Variants in KCNQ1OT1 observed in about 807,000 individuals in gnomAD.
KCNQ1OT1 encodes the protein KCNQ1 opposite strand/antisense transcript 1.
chr11:2,673,911 G>A lies in KCNQ1OT1; in HGVS notation n.26084C>T, dbSNP rs1186241802. The A allele has an allele frequency of 2.5e-6, 1 of 397,956 alleles. No homozygotes were observed. The highest frequency in any genetic ancestry group is 1.3e-4 in the South Asian group (1 of 7,806). The allele number at this position is 397,956 out of a possible 1,614,324, so 24.7% of individuals were successfully genotyped here. A position where few individuals can be genotyped will look rare whatever the true frequency, so the allele number is the denominator to read the frequency against. On this transcript the variant is annotated non_coding_transcript_exon_variant, in exon 1 of 1. Transcript: ENST00000597346. The surrounding 1 kb of genome is among the most constrained non-coding windows in gnomAD (Gnocchi z 4.5). ...GAAGGGATGGGAGCTCAGCTCACCG[G>A]GTGCTAGACAAGGGAGTGTGTCTCT...
In KCNQ1OT1 at chr11:2,651,031, A is replaced by G. The variant is rs968028243; in HGVS notation, n.48964T>C. 7 of 398,674 alleles carry G rather than the reference A, an allele frequency of 1.8e-5. No homozygotes were observed. Among genetic ancestry groups the G allele is most frequent in the Non-Finnish European group, 1.3e-5 (3 of 226,184 alleles). The allele number at this position is 398,674 out of a possible 1,614,324, so 24.7% of individuals were successfully genotyped here. ...AGTCTCTCCAGCTATCTCCCTGGTT[A>G]AAACCACCACCATTTCTCTGCCTAC... On this transcript the variant is annotated non_coding_transcript_exon_variant, in exon 1 of 1. Transcript: ENST00000597346. The surrounding 1 kb of genome is among the most constrained non-coding windows in gnomAD (Gnocchi z 6.1).
rs1849946835 is a variant in KCNQ1OT1 at position 2,661,011 on chromosome 11, T to C, written n.38984A>G. On this transcript the variant is annotated non_coding_transcript_exon_variant, in exon 1 of 1. Coordinates refer to ENST00000597346, the Ensembl canonical transcript of KCNQ1OT1. The surrounding 1 kb of genome is among the most constrained non-coding windows in gnomAD (Gnocchi z 5.9). ...TGACTAAAATAATTAAATCCATGCCTATATACCTAGAGAAAAATGAAATGA... is the reference window on the plus strand; with the variant it reads ...TGACTAAAATAATTAAATCCATGCCCATATACCTAGAGAAAAATGAAATGA... The C allele has an allele frequency of 2.5e-6, 1 of 398,594 alleles. No individual in the cohort carries two copies. The highest frequency in any genetic ancestry group is 4.4e-6 in the Non-Finnish European group (1 of 226,064). 24.7% of individuals were successfully genotyped at this position (398,594 alleles called of 1,614,324 possible). A position where few individuals can be genotyped will look rare whatever the true frequency, so the allele number is the denominator to read the frequency against.
Position 2,647,386 on chromosome 11 carries a change from T to C in KCNQ1OT1, n.52609A>G. The C allele has an allele frequency of 2.5e-6, 1 of 398,576 alleles. No individual in the cohort carries two copies. The highest frequency in any genetic ancestry group is 4.4e-6 in the Non-Finnish European group (1 of 226,026). 24.7% of individuals were successfully genotyped at this position (398,576 alleles called of 1,614,324 possible). A position where few individuals can be genotyped will look rare whatever the true frequency, so the allele number is the denominator to read the frequency against. The stretch of plus-strand genomic sequence containing the variant: ...ATTGGATTCAGATTGCTAGTTTGTG[T>C]GTCTGTGTGTGTGTTTTGTTTCTGA... On this transcript the variant is annotated non_coding_transcript_exon_variant, in exon 1 of 1. Transcript: ENST00000597346. The surrounding 1 kb of genome is among the most constrained non-coding windows in gnomAD (Gnocchi z 4.0).
chr11:2,631,767 G>A (rs1428185591), exon 1 of KCNQ1OT1: 15 of 398,508 alleles, frequency 3.8e-5, no homozygotes, highest in Non-Finnish European at 1.3e-5. Flanking sequence ...CATCAGCTGA[G>A]GTCAGCAGTG....
At chr11:2,662,589 G>C (rs371913401) in exon 1 of KCNQ1OT1, 1 of 417,374 alleles carries the variant, frequency 2.4e-6, no homozygotes, top group African/African-American at 2.0e-5. Flanking sequence ...ATGCATGCCC[G>C]TCCTCCCCCG....
rs1374503938 is a variant in KCNQ1OT1, at chr11:2,669,064, A to G, written n.30931T>C. ...GCATGGGAAGGCCCGTCCTCTCCCA[A>G]CTACCCTGCCGTATCAGTGTCTTTA... On this transcript the variant is annotated non_coding_transcript_exon_variant, in exon 1 of 1. Transcript: ENST00000597346. The surrounding 1 kb of genome is among the most constrained non-coding windows in gnomAD (Gnocchi z 5.6). The G allele has an allele frequency of 2.5e-6, 1 of 398,654 alleles. No homozygotes were observed. Among genetic ancestry groups the G allele is most frequent in the Non-Finnish European group, 4.4e-6 (1 of 226,096 alleles). The allele number at this position is 398,654 out of a possible 1,614,324, so 24.7% of individuals were successfully genotyped here.
chr11:2,660,166 A>G, exon 1 of KCNQ1OT1: 1 of 398,174 alleles, frequency 2.5e-6, no homozygotes. Flanking sequence ...AAGATATTTT[A>G]TGGTTTTATG....
Position 2,664,680 on chromosome 11 carries a change from C to G in KCNQ1OT1, n.35315G>C. 1 of 398,826 alleles carries G rather than the reference C, an allele frequency of 2.5e-6. No homozygotes were observed. The highest frequency in any genetic ancestry group is 4.4e-6 in the Non-Finnish European group (1 of 226,256). The allele number at this position is 398,826 out of a possible 1,614,324, so 24.7% of individuals were successfully genotyped here. On this transcript the variant is annotated non_coding_transcript_exon_variant, in exon 1 of 1. Coordinates refer to ENST00000597346, the Ensembl canonical transcript of KCNQ1OT1. The surrounding 1 kb of genome is among the most constrained non-coding windows in gnomAD (Gnocchi z 5.1). Reference sequence around the variant, plus strand: ...ATGCAGCGAAGCTCCTGTGGGCAGCCTGGCCCCATGGACCCTGAACTGGGA... The same window carrying G: ...ATGCAGCGAAGCTCCTGTGGGCAGCGTGGCCCCATGGACCCTGAACTGGGA...
rs759092051 is a variant in KCNQ1OT1, at chr11:2,682,668, T to C, written n.17327A>G. ...TTCCCCAGGGCTCATGTCCACATGC[T>C]ATTGTCCATAGAAGCTGGGGTCCAA... On this transcript the variant is annotated non_coding_transcript_exon_variant, in exon 1 of 1. Transcript: ENST00000597346. This position sits in a 1 kb window ranked among gnomAD's most constrained non-coding sequence, Gnocchi z 5.8. 4 of 398,644 alleles carry C rather than the reference T, an allele frequency of 1.0e-5. No homozygotes were observed. The highest frequency in any genetic ancestry group is 1.3e-5 in the Non-Finnish European group (3 of 226,092). 24.7% of individuals were successfully genotyped at this position (398,644 alleles called of 1,614,324 possible). A position where few individuals can be genotyped will look rare whatever the true frequency, so the allele number is the denominator to read the frequency against.
Position 2,669,251 on chromosome 11 carries a change from C to T in KCNQ1OT1, n.30744G>A. ...CTGCTGGCTCTGGCTGCTTCTCCTT[C>T]CCCATCACTGGCTTTGCTGTCTTTG... On this transcript the variant is annotated non_coding_transcript_exon_variant, in exon 1 of 1. Coordinates refer to ENST00000597346, the Ensembl canonical transcript of KCNQ1OT1. The surrounding 1 kb of genome is among the most constrained non-coding windows in gnomAD (Gnocchi z 5.6). 2.5e-6 allele frequency: 1 copy of T among 398,734 alleles called. No individual in the cohort carries two copies. Among genetic ancestry groups the T allele is most frequent in the Non-Finnish European group, 4.4e-6 (1 of 226,128 alleles). The allele number at this position is 398,734 out of a possible 1,614,324, so 24.7% of individuals were successfully genotyped here.
exon 1 of KCNQ1OT1, chr11:2,662,031 C>T: frequency 1.2e-6 from 2 of 1,614,170 alleles, no homozygotes; most frequent in Non-Finnish European, 1.7e-6. Flanking sequence ...TCGCCGAGGA[C>T]CTGGACCTGG....
Position 2,663,639 on chromosome 11 carries a change from T to G in KCNQ1OT1, n.36356A>C, listed in dbSNP as rs888782433. ...GACCAGCATCCAGACATGCAAAAAG[T>G]CCTACTGGGAGGAGAGGGCCATCAC... On this transcript the variant is annotated non_coding_transcript_exon_variant, in exon 1 of 1. Transcript: ENST00000597346. The surrounding 1 kb of genome is among the most constrained non-coding windows in gnomAD (Gnocchi z 5.2). The G allele has an allele frequency of 2.5e-6, 1 of 398,530 alleles. No homozygotes were observed. The highest frequency in any genetic ancestry group is 4.4e-6 in the Non-Finnish European group (1 of 226,088). 24.7% of individuals were successfully genotyped at this position (398,530 alleles called of 1,614,324 possible).
rs1850119213 is a variant in KCNQ1OT1, at chr11:2,668,271, C to A, written n.31724G>T. On this transcript the variant is annotated non_coding_transcript_exon_variant, in exon 1 of 1. Coordinates refer to ENST00000597346, the Ensembl canonical transcript of KCNQ1OT1. This position sits in a 1 kb window ranked among gnomAD's most constrained non-coding sequence, Gnocchi z 4.3. ...GTGTAGGTTGCTGTTTAAGAATATTCTGTACATGCTTTTGGTGAGCATCAG... is the reference window on the plus strand; with the variant it reads ...GTGTAGGTTGCTGTTTAAGAATATTATGTACATGCTTTTGGTGAGCATCAG... 2.5e-6 allele frequency: 1 copy of A among 398,656 alleles called. No individual in the cohort carries two copies. Among genetic ancestry groups the A allele is most frequent in the Non-Finnish European group, 4.4e-6 (1 of 226,100 alleles). The allele number at this position is 398,656 out of a possible 1,614,324, so 24.7% of individuals were successfully genotyped here. A position where few individuals can be genotyped will look rare whatever the true frequency, so the allele number is the denominator to read the frequency against.
At position 2,683,937 on chromosome 11, in the gene KCNQ1OT1, A is replaced by G. The variant is rs1377675202; in HGVS notation, n.16058T>C. 5.0e-6 allele frequency: 2 copies of G among 396,286 alleles called. No homozygotes were observed. The highest frequency in any genetic ancestry group is 8.9e-6 in the Non-Finnish European group (2 of 225,834). The allele number at this position is 396,286 out of a possible 1,614,324, so 24.5% of individuals were successfully genotyped here. ...GCTCTGTGACACGTTTCATAGTCAG[A>G]CAAAACCAGCTGACTGCTTTTACTT... On this transcript the variant is annotated non_coding_transcript_exon_variant, in exon 1 of 1. Transcript: ENST00000597346. The surrounding 1 kb of genome is among the most constrained non-coding windows in gnomAD (Gnocchi z 4.7).
chr11:2,632,899 T>A, exon 1 of KCNQ1OT1: 1 of 398,502 alleles, frequency 2.5e-6, no homozygotes, highest in Non-Finnish European at 4.4e-6. Context: ...AATATCTTTT[T>A]TATATACTGA....
At chr11:2,646,178 G>A (rs1255225346) in exon 1 of KCNQ1OT1, 1 of 398,604 alleles carries the variant, frequency 2.5e-6, no homozygotes, top group East Asian at 3.6e-5. Flanking sequence ...TATAAACTGT[G>A]GTTACCTACT....
rs938247352 is a variant in KCNQ1OT1 at position 2,688,257 on chromosome 11, G to A, written n.11738C>T. ...CATACAGGGCTGTTTGATCTGAGAG[G>A]GAGGCGCCATGACCTCTGTTTAGAC... On this transcript the variant is annotated non_coding_transcript_exon_variant, in exon 1 of 1. Transcript: ENST00000597346. 1.2e-4 allele frequency: 49 copies of A among 398,556 alleles called. No homozygotes were observed. Among genetic ancestry groups the A allele is most frequent in the Non-Finnish European group, 4.9e-5 (11 of 226,126 alleles). 24.7% of individuals were successfully genotyped at this position (398,556 alleles called of 1,614,324 possible). A position where few individuals can be genotyped will look rare whatever the true frequency, so the allele number is the denominator to read the frequency against.
chr11:2,656,835 T>C (rs1249879677), exon 1 of KCNQ1OT1: 1 of 398,542 alleles, frequency 2.5e-6, no homozygotes, highest in Non-Finnish European at 4.4e-6. Flanking sequence ...GTGACCTTTA[T>C]AGTTATGCTT....
chr11:2,630,280 A>AT (rs1308084255), exon 1 of KCNQ1OT1: 4 of 398,094 alleles, frequency 1.0e-5, no homozygotes, highest in East Asian at 3.6e-5. Context: ...GTGATATATG[A>AT]TTTTTTTAAT....
Sources: gnomAD v4.1 joint callset for allele counts on GRCh38, gnomAD v4.1.1 for gene constraint, Gnocchi (gnomAD v3.1) non-coding constraint, MANE v1.5 for transcripts, NCBI Gene and HGNC (gene_info 2026-07-23, HGNC 2026-07-21) for gene names.